Variants in CTNNA2 observed in about 807,000 individuals in gnomAD.
The protein encoded by CTNNA2 is catenin alpha-2.
Under a neutral mutation model 101.0 loss-of-function variants are expected in CTNNA2, and 42 were observed. The observed-to-expected ratio is 0.42, with a 90% CI of 0.32 to 0.54. CTNNA2 has a LOEUF of 0.54. Among genes scored for constraint, CTNNA2 ranks in the 20% least tolerant of loss-of-function variants. The pLI is 0.14. For missense variants in CTNNA2, 871 were observed against 1,223.1 expected, an observed-to-expected ratio of 0.71 and a Z score of 4.29; for synonymous variants, 450 against 456.4, an observed-to-expected ratio of 0.99 and a Z score of 0.18.
intron 7 of CTNNA2, among the ~76,000 whole-genome samples, chr2:80,248,002 A>G (rs1372975049): frequency 6.6e-6 from 1 of 150,794 alleles, no homozygotes; most frequent in East Asian, 1.9e-4. Context: ...TACCTCTATC[A>G]TTTGTCTTTT....
At chr2:79,928,809 C>T (rs907294883) in intron 7 of CTNNA2, among the ~76,000 whole-genome samples, 1 of 151,948 alleles carries the variant, frequency 6.6e-6, no homozygotes, top group African/African-American at 2.4e-5. Context: ...ATAGATTTAT[C>T]AGGTGATATA....
intron 3 of CTNNA2, among the ~76,000 whole-genome samples, chr2:79,356,634 A>G (rs185194933): frequency 5.3e-5 from 8 of 152,338 alleles, no homozygotes; most frequent in Non-Finnish European, 1.0e-4. Context: ...AGACCAAAAA[A>G]TACAACCCAA....
At chr2:79,974,394 G>A (rs985606134) in intron 7 of CTNNA2, among the ~76,000 whole-genome samples, 1 of 152,064 alleles carries the variant, frequency 6.6e-6, no homozygotes, top group Admixed American at 6.6e-5. Flanking sequence ...TCTTATTTCA[G>A]GCACCATTTT....
chr2:79,454,421 T>G (rs1190661476), intron 4 of CTNNA2, among the ~76,000 whole-genome samples: 5 of 152,180 alleles, frequency 3.3e-5, no homozygotes, highest in Non-Finnish European at 2.9e-5. Context: ...CTGATGCTTC[T>G]TTCATTTTGT....
chr2:80,416,394 G>A (rs1269226761), intron 8 of CTNNA2, among the ~76,000 whole-genome samples: 1 of 152,046 alleles, frequency 6.6e-6, no homozygotes, highest in East Asian at 1.9e-4. Context: ...CAAATCCGAT[G>A]TGTTTCTACT....
chr2:79,910,886 C>G (rs534178268), intron 7 of CTNNA2, among the ~76,000 whole-genome samples: 2 of 152,280 alleles, frequency 1.3e-5, no homozygotes, highest in African/African-American at 4.8e-5. Flanking sequence ...GCTCCTCCTG[C>G]TGACCCTCCA....
intron 9 of CTNNA2, among the ~76,000 whole-genome samples, chr2:80,515,110 TG>T (rs1214863946): frequency 6.6e-6 from 1 of 151,948 alleles, no homozygotes. Flanking sequence ...ACATAAGAAA[TG>T]GATCTTATGG....
At position 79,957,667 on chromosome 2, in the gene CTNNA2, T is replaced by C. The variant is rs1434119; in HGVS notation, c.1056+47870T>C. 3.8e-3 allele frequency among the ~76,000 whole-genome samples: 578 copies of C among 152,336 alleles called. 1 individual carries two copies. The highest frequency in any genetic ancestry group is 6.8e-3 in the Non-Finnish European group (463 of 68,032). On this transcript the variant is annotated intron_variant, in intron 7 of 18. Transcript: ENST00000402739. Reference sequence around the variant, plus strand: ...TTTGCTCTGACCTCTGTGTCAACCATTCAAAGTGTCTTGAACCACCTGCAC... The same window carrying C: ...TTTGCTCTGACCTCTGTGTCAACCACTCAAAGTGTCTTGAACCACCTGCAC...
intron 2 of CTNNA2, among the ~76,000 whole-genome samples, chr2:79,741,600 G>T (rs1671291409): frequency 6.6e-6 from 1 of 152,018 alleles, no homozygotes. Flanking sequence ...GGTTATTTCT[G>T]ATCATATAAA....
chr2:80,057,142 A>G (rs1219984671), intron 7 of CTNNA2, among the ~76,000 whole-genome samples: 1 of 152,066 alleles, frequency 6.6e-6, no homozygotes, highest in East Asian at 1.9e-4. Context: ...AGCTTTTTAA[A>G]AGTAAATCCA....
chr2:80,216,119 T>A (rs1047035689), intron 7 of CTNNA2, among the ~76,000 whole-genome samples: 5 of 152,156 alleles, frequency 3.3e-5, no homozygotes, highest in African/African-American at 1.2e-4. Flanking sequence ...AAAAGCGCAG[T>A]ATTAGGGTGG....
intron 1 of CTNNA2, among the ~76,000 whole-genome samples, chr2:79,587,850 A>G (rs2103957830): frequency 1.3e-5 from 2 of 152,268 alleles, no homozygotes; most frequent in South Asian, 4.1e-4. Flanking sequence ...TGCAGGGCCC[A>G]TTTCTCAAAG....
intron 2 of CTNNA2, among the ~76,000 whole-genome samples, chr2:79,675,900 A>G (rs1683153956): frequency 6.6e-6 from 1 of 152,208 alleles, no homozygotes; most frequent in East Asian, 1.9e-4. Context: ...GCAAGATAAA[A>G]CATGTTCCTA....
intron 3 of CTNNA2, among the ~76,000 whole-genome samples, chr2:79,770,946 A>T (rs927175596): frequency 1.3e-5 from 2 of 152,212 alleles, no homozygotes; most frequent in African/African-American, 4.8e-5. Context: ...AGTTTAAAAG[A>T]ATTACCAGGT....
chr2:79,868,453 A>T (rs1466122855), intron 4 of CTNNA2, among the ~76,000 whole-genome samples: 1 of 152,192 alleles, frequency 6.6e-6, no homozygotes, highest in African/African-American at 2.4e-5. Context: ...GATATTCATT[A>T]TTACTGGTTT....
At chr2:79,883,443 A>G (rs917214266) in intron 6 of CTNNA2, among the ~76,000 whole-genome samples, 2 of 152,198 alleles carry the variant, frequency 1.3e-5, no homozygotes, top group Non-Finnish European at 1.5e-5. Flanking sequence ...TGCAACTGTC[A>G]AGAGAGTTTC....
intron 7 of CTNNA2, among the ~76,000 whole-genome samples, chr2:79,915,284 G>A (rs1686113282): frequency 7.3e-6 from 1 of 136,112 alleles, no homozygotes; most frequent in African/African-American, 2.9e-5. Flanking sequence ...ATATAGGAGT[G>A]GTATATTTAC....
At chr2:80,089,152 T>A (rs1463161862) in intron 7 of CTNNA2, among the ~76,000 whole-genome samples, 1 of 152,024 alleles carries the variant, frequency 6.6e-6, no homozygotes, top group African/African-American at 2.4e-5. Context: ...AGCTGGTTTT[T>A]CTGAACCTAA....
intron 18 of CTNNA2, among the ~76,000 whole-genome samples, chr2:80,630,083 T>C (rs1672116210): frequency 6.6e-6 from 1 of 152,160 alleles, no homozygotes; most frequent in Non-Finnish European, 1.5e-5. Flanking sequence ...ACATAACCTT[T>C]CTACAAAGTA....
Sources: allele counts gnomAD v4.1 joint callset (sites outside exome capture counted in the v4.1 genomes callset), GRCh38; gene constraint gnomAD v4.1.1; transcripts MANE v1.5; gene names NCBI Gene and HGNC (gene_info 2026-07-23, HGNC 2026-07-21).